Variants in STARD9 observed in about 807,000 individuals in gnomAD.
STARD9 encodes StAR related lipid transfer domain containing 9.
Under a neutral mutation model 399.8 loss-of-function variants are expected in STARD9, and 346 were observed. The observed-to-expected ratio is 0.87, with a 90% CI of 0.79 to 0.95. STARD9 has a LOEUF of 0.95. STARD9 is among the 40% of genes least tolerant of loss of function. The pLI is 0.00. For synonymous variants in STARD9, 2,203 were observed against 2,143.5 expected, an observed-to-expected ratio of 1.03 and a Z score of -0.77; for missense variants, 5,832 against 5,667.5, an observed-to-expected ratio of 1.03 and a Z score of -0.93.
At chr15:42,587,980 T>C (rs149811391) in intron 3 of STARD9, among the ~76,000 whole-genome samples, 1 of 152,232 alleles carries the variant, frequency 6.6e-6, no homozygotes. Context: ...TAACTTTGAG[T>C]AAGAAAGATG....
chr15:42,618,072 A>G lies in STARD9; in HGVS notation c.235-16784A>G, dbSNP rs1595646659. ...CCGTGCCTAGCCCATTCCTTCATTT[A>G]GTACACACTTTATGTATTTAGTAGT... On this transcript the variant is annotated intron_variant, in intron 3 of 32. Transcript: ENST00000290607. Among the ~76,000 whole-genome samples, 4 of 151,774 alleles carry G rather than the reference A, an allele frequency of 2.6e-5. No individual in the cohort carries two copies. In the South Asian group the frequency reaches 8.4e-4, roughly 32 times the overall value.
chr15:42,665,507 T>A (rs1027572349), intron 14 of STARD9, among the ~76,000 whole-genome samples, 177 bp downstream of exon 14: 5 of 152,160 alleles, frequency 3.3e-5, no homozygotes, highest in Non-Finnish European at 7.4e-5. Flanking sequence ...TAGCTTCAGA[T>A]GGTGTGGGCA....
In STARD9 at chr15:42,665,300, A is replaced by G. The variant is rs964231309; in HGVS notation, c.1224A>G (p.Arg408=). The change falls in exon 14 of 33, where the codon AGA becomes AGG. Residue 408 remains arginine, a synonymous_variant. Coordinates refer to ENST00000290607, the MANE Select transcript of STARD9 (RefSeq NM_020759.3). The stretch of plus-strand genomic sequence containing the variant: ...GAGAACTCAGAGAAGAGATTGAAAG[A>G]CTGAAAGCCCTGCTGCTGAGCTTTG... ...LIRELREEIE[R]LKALLLSFEL... 6.5e-7 allele frequency: 1 copy of G among 1,537,120 alleles called. No homozygotes were observed. The highest frequency in any genetic ancestry group is 8.7e-7 in the Non-Finnish European group (1 of 1,146,808).
chr15:42,614,630 C>T (rs2058919518), intron 3 of STARD9, among the ~76,000 whole-genome samples: 1 of 151,916 alleles, frequency 6.6e-6, no homozygotes, highest in African/African-American at 2.4e-5. Context: ...AATATTTTAC[C>T]CTTTGACCTA....
chr15:42,681,275 C>G lies in STARD9; in HGVS notation c.1875-147C>G, dbSNP rs1033438400. The G allele has an allele frequency of 7.2e-6, 5 of 697,552 alleles. No homozygotes were observed. In the Admixed American group the frequency reaches 1.3e-4, roughly 18 times the overall value. The allele number at this position is 697,552 out of a possible 1,614,324, so 43.2% of individuals were successfully genotyped here. A position where few individuals can be genotyped will look rare whatever the true frequency, so the allele number is the denominator to read the frequency against. On this transcript the variant is annotated intron_variant, in intron 20 of 32. Coordinates refer to ENST00000290607, the MANE Select transcript of STARD9 (RefSeq NM_020759.3). ...ATCGTAAGCTGCCTGTGACACCAGG[C>G]CTGTTTGTCCAAGGTTGCCAGAAGT...
intron 3 of STARD9, among the ~76,000 whole-genome samples, chr15:42,619,551 C>CA (rs35639156): frequency 0.68 from 91,209 of 135,106 alleles, 32,304 homozygotes; most frequent in East Asian, 0.88. Context: ...AAGACTGTCT[C>CA]AAAAAAAAAA....
chr15:42,589,351 C>G (rs1212105991), intron 3 of STARD9, among the ~76,000 whole-genome samples: 3 of 152,136 alleles, frequency 2.0e-5, no homozygotes, highest in Non-Finnish European at 2.9e-5. Flanking sequence ...CACGCTTGGC[C>G]AAATTCACCT....
intron 1 of STARD9, among the ~76,000 whole-genome samples, chr15:42,578,795 C>G (rs2058108830): frequency 6.6e-6 from 1 of 152,220 alleles, no homozygotes; most frequent in Admixed American, 6.5e-5. Flanking sequence ...TCCTGAGAGA[C>G]ATCAATCATC....
chr15:42,607,330 G>A (rs1186090415), intron 3 of STARD9, among the ~76,000 whole-genome samples: 1 of 148,786 alleles, frequency 6.7e-6, no homozygotes, highest in Non-Finnish European at 1.5e-5. Context: ...ATTCTCCTGA[G>A]TAGCTGGGAC....
chr15:42,649,151 T>C (rs1378578363), intron 7 of STARD9, among the ~76,000 whole-genome samples: 4 of 152,150 alleles, frequency 2.6e-5, no homozygotes, highest in South Asian at 4.2e-4. Context: ...TGCCTTAGCC[T>C]CCCGAGTAGC....
chr15:42,581,488 T>C, intron 1 of STARD9: 3 of 1,501,550 alleles, frequency 2.0e-6, no homozygotes, highest in South Asian at 1.2e-5. Flanking sequence ...GAGGAGGACA[T>C]GGCTGTGGAC....
chr15:42,625,463 T>C (rs948593233), intron 3 of STARD9, among the ~76,000 whole-genome samples: 2 of 151,530 alleles, frequency 1.3e-5, no homozygotes, highest in Non-Finnish European at 2.9e-5. Context: ...TCCAAGTAGC[T>C]GGGATTACAG....
At chr15:42,657,999 C>T (rs1006087202) in intron 9 of STARD9, among the ~76,000 whole-genome samples, 1 of 152,126 alleles carries the variant, frequency 6.6e-6, no homozygotes. Context: ...AATGGGAAAC[C>T]TGAAACTATT....
At chr15:42,640,778 C>T (rs2059518958) in intron 7 of STARD9, among the ~76,000 whole-genome samples, 1 of 133,288 alleles carries the variant, frequency 7.5e-6, no homozygotes, top group African/African-American at 2.8e-5. Context: ...CAAGATCGCG[C>T]CACTGCACTC....
At chr15:42,618,945 T>A (rs2059029531) in intron 3 of STARD9, among the ~76,000 whole-genome samples, 1 of 152,144 alleles carries the variant, frequency 6.6e-6, no homozygotes, top group Admixed American at 6.6e-5. Flanking sequence ...CCTATCTTAA[T>A]CTGGCATTAT....
chr15:42,581,541 G>T, intron 1 of STARD9: 2 of 1,232,284 alleles, frequency 1.6e-6, no homozygotes, highest in Non-Finnish European at 2.3e-6. Flanking sequence ...GCGGCGCCGG[G>T]CCGGTCTGCT....
Position 42,693,812 on chromosome 15 carries a change from A to G in STARD9, c.12234A>G (p.Ser4078=). 2 of 1,536,468 alleles carry G rather than the reference A, an allele frequency of 1.3e-6. No individual in the cohort carries two copies. Among genetic ancestry groups the G allele is most frequent in the South Asian group, 1.2e-5 (1 of 83,982 alleles). Residue 4078 remains serine, a synonymous_variant, in exon 23 of 33, where the codon TCA becomes TCG. Coordinates refer to ENST00000290607, the MANE Select transcript of STARD9 (RefSeq NM_020759.3). ...EPQRTLDRPS[S]WGGLQHLSPC... ...AACGCACTCTGGACCGACCTTCTTC[A>G]TGGGGAGGCCTCCAGCACCTCAGCC...
At chr15:42,623,362 T>G (rs2059130331) in intron 3 of STARD9, among the ~76,000 whole-genome samples, 1 of 152,206 alleles carries the variant, frequency 6.6e-6, no homozygotes, top group Non-Finnish European at 1.5e-5. Flanking sequence ...TGTCTCCTCT[T>G]TATTCATATT....
chr15:42,657,985 T>C (rs1026087112), intron 9 of STARD9, among the ~76,000 whole-genome samples: 2 of 152,214 alleles, frequency 1.3e-5, no homozygotes, highest in African/African-American at 4.8e-5. Flanking sequence ...GAATCATAGC[T>C]CTAAATGGGA....
Sources: gnomAD v4.1 joint callset for allele counts (sites outside exome capture counted in the v4.1 genomes callset) on GRCh38, gnomAD v4.1.1 for gene constraint, MANE v1.5 for transcripts, NCBI Gene and HGNC (gene_info 2026-07-23, HGNC 2026-07-21) for gene names.